The following DLGAP1 variants were observed in gnomAD, a reference collection of about 807,000 sequenced individuals.
DLGAP1 encodes the protein disks large-associated protein 1.
In DLGAP1, 11 loss-of-function variants were observed where a neutral mutation model predicts 90.8. The ratio of observed to expected loss-of-function variants is 0.12; its 90% CI spans 0.08 to 0.20. DLGAP1 has a LOEUF of 0.20. Among genes scored for constraint, DLGAP1 ranks in the 10% least tolerant of loss-of-function variants. The pLI, the probability that DLGAP1 is intolerant of heterozygous loss-of-function variation, is 1.00. For synonymous variants in DLGAP1, 558 were observed against 540.7 expected (o/e 1.03, Z -0.44); for missense variants, 1,050 against 1,333.8 (o/e 0.79, Z 3.31).
intron 1 of DLGAP1, among the ~76,000 whole-genome samples, chr18:4,437,818 T>C (rs1270999083): frequency 2.0e-5 from 3 of 152,034 alleles, no homozygotes; most frequent in Non-Finnish European, 4.4e-5. Context: ...TGGAGGGTTA[T>C]ATTAAGGTAG....
chr18:4,033,186 T>A (rs2074826744), intron 2 of DLGAP1, among the ~76,000 whole-genome samples: 1 of 152,164 alleles, frequency 6.6e-6, no homozygotes, highest in South Asian at 2.1e-4. Flanking sequence ...TCATTATTTT[T>A]AATTTCATAT....
intron 1 of DLGAP1, among the ~76,000 whole-genome samples, chr18:4,260,768 C>A (rs979395663): frequency 6.6e-5 from 10 of 152,120 alleles, no homozygotes; most frequent in African/African-American, 2.4e-4. Context: ...ATACTAGAGA[C>A]AATATCTGCA....
chr18:4,192,663 A>G (rs1178467397), intron 1 of DLGAP1, among the ~76,000 whole-genome samples: 6 of 152,238 alleles, frequency 3.9e-5, no homozygotes, highest in Admixed American at 3.9e-4. Flanking sequence ...GTCAAGAAGA[A>G]GCAGCCAAGT....
intron 4 of DLGAP1, among the ~76,000 whole-genome samples, chr18:3,872,129 CAAAAAGTTTTT>C (rs2070782507): frequency 7.6e-6 from 1 of 131,892 alleles, no homozygotes; most frequent in South Asian, 2.5e-4. Flanking sequence ...GCAAATGAAA[CAAAAAGTTTTT>C]AATGAGAGTC....
chr18:4,016,063 C>T lies in DLGAP1; in HGVS notation c.-158-10862G>A, dbSNP rs150572415. Among the ~76,000 whole-genome samples the T allele has an allele frequency of 9.7e-3, 1,482 of 152,306 alleles. 16 individuals are homozygous for T. Among genetic ancestry groups the T allele is most frequent in the Non-Finnish European group, 0.012 (786 of 68,030 alleles). ...AAGACTGAAGAGTAATGAACACATG[C>T]TATCAGCAGATTTAAGTATCTAACT... On this transcript the variant is annotated intron_variant, in intron 2 of 12. Transcript: ENST00000315677.
chr18:3,792,073 T>C (rs987840193), intron 5 of DLGAP1, among the ~76,000 whole-genome samples: 6 of 152,168 alleles, frequency 3.9e-5, no homozygotes, highest in Non-Finnish European at 7.3e-5. Context: ...TCTAACCTGG[T>C]ATCATCGCAC....
intron 1 of DLGAP1, among the ~76,000 whole-genome samples, chr18:4,416,033 C>T (rs976186610): frequency 5.3e-5 from 8 of 152,094 alleles, no homozygotes; most frequent in African/African-American, 1.4e-4. Flanking sequence ...TTATGCTCTT[C>T]AATAAACACA....
intron 7 of DLGAP1, among the ~76,000 whole-genome samples, chr18:3,659,418 C>A (rs1398987264): frequency 2.0e-5 from 3 of 146,842 alleles, no homozygotes; most frequent in Middle Eastern, 7.0e-3. Flanking sequence ...CACACACACA[C>A]ACACACACAC....
chr18:3,527,430 T>TTA (rs2051710651), intron 10 of DLGAP1, among the ~76,000 whole-genome samples: 2 of 150,454 alleles, frequency 1.3e-5, no homozygotes, highest in African/African-American at 4.9e-5. Context: ...TTTTTTTTTT[T>TTA]TTGCCATGGA....
chr18:3,723,673 C>T (rs1294357306), intron 7 of DLGAP1, among the ~76,000 whole-genome samples: 1 of 151,904 alleles, frequency 6.6e-6, no homozygotes, highest in Non-Finnish European at 1.5e-5. Context: ...AGACCCAAAC[C>T]CTTAGGAGAA....
rs575236980 is a variant in DLGAP1 at position 4,193,252 on chromosome 18, G to A, written c.-266-41965C>T. Among the ~76,000 whole-genome samples, 14 of 152,244 alleles carry A rather than the reference G, an allele frequency of 9.2e-5. No individual in the cohort carries two copies. The South Asian group carries it at 1.4e-3, about 16-fold the overall frequency. Reference sequence around the variant, plus strand: ...GGCCTGGATTTCAGTACTGATACACGGCCAGCTCTGGCTAGAATTCATATT... The same window carrying A: ...GGCCTGGATTTCAGTACTGATACACAGCCAGCTCTGGCTAGAATTCATATT... On this transcript the variant is annotated intron_variant, in intron 1 of 12. Transcript: ENST00000315677.
intron 7 of DLGAP1, among the ~76,000 whole-genome samples, chr18:3,708,164 C>T (rs1472739564): frequency 6.6e-6 from 1 of 152,046 alleles, no homozygotes. Context: ...CACCACCACA[C>T]CCAGCTAATT....
At chr18:4,246,095 A>C (rs1456307752) in intron 1 of DLGAP1, among the ~76,000 whole-genome samples, 1 of 152,170 alleles carries the variant, frequency 6.6e-6, no homozygotes, top group Non-Finnish European at 1.5e-5. Flanking sequence ...GTTTATTCCT[A>C]TTAAAGTATG....
chr18:4,271,480 TTGG>T (rs2079280496), intron 1 of DLGAP1, among the ~76,000 whole-genome samples: 1 of 152,206 alleles, frequency 6.6e-6, no homozygotes, highest in African/African-American at 2.4e-5. Context: ...TAAGAAAAAT[TTGG>T]CCTACCAATG....
chr18:3,778,836 G>A (rs2065052691), intron 5 of DLGAP1, among the ~76,000 whole-genome samples: 1 of 152,062 alleles, frequency 6.6e-6, no homozygotes, highest in South Asian at 2.1e-4. Context: ...GACAGAAAGG[G>A]AGATCCTGCC....
intron 2 of DLGAP1, among the ~76,000 whole-genome samples, chr18:4,044,922 C>A (rs2075026550): frequency 6.6e-6 from 1 of 152,042 alleles, no homozygotes; most frequent in South Asian, 2.1e-4. Context: ...TGAATTTTTT[C>A]ATTCTTCAGG....
chr18:4,340,988 A>G (rs1221295984), intron 1 of DLGAP1, among the ~76,000 whole-genome samples: 1 of 152,188 alleles, frequency 6.6e-6, no homozygotes, highest in Non-Finnish European at 1.5e-5. Flanking sequence ...TGTCATAGAA[A>G]GAAACTTAAA....
chr18:4,015,743 A>G (rs2074511802), intron 2 of DLGAP1, among the ~76,000 whole-genome samples: 1 of 152,208 alleles, frequency 6.6e-6, no homozygotes, highest in South Asian at 2.1e-4. Context: ...CATAATATAC[A>G]GTATTCCTCT....
At chr18:3,666,363 G>A (rs2059882410) in intron 7 of DLGAP1, among the ~76,000 whole-genome samples, 1 of 148,332 alleles carries the variant, frequency 6.7e-6, no homozygotes. Flanking sequence ...TTTTTAGTAA[G>A]GATTTCCACC....
Sources: gnomAD v4.1 joint callset for allele counts (sites outside exome capture counted in the v4.1 genomes callset) on GRCh38, gnomAD v4.1.1 for gene constraint, MANE v1.5 for transcripts, NCBI Gene and HGNC (gene_info 2026-07-23, HGNC 2026-07-21) for gene names.